The following FRY variants were observed in gnomAD, a reference collection of about 807,000 sequenced individuals.
FRY encodes the protein protein furry homolog.
In FRY, 128 loss-of-function variants were observed where a neutral mutation model predicts 348.4. The observed-to-expected ratio is 0.37, with a 90% CI of 0.32 to 0.43. The LOEUF is 0.43. Ranked by LOEUF, FRY falls within the 20% of genes least tolerant of loss-of-function variation. FRY has a pLI of 1.00. For missense variants in FRY, 2,736 were observed against 3,695.2 expected (o/e 0.74, Z 6.73); for synonymous variants, 1,370 against 1,374.7 (o/e 1.00, Z 0.08).
At chr13:32,277,455 G>A (rs918450987) in intron 57 of FRY, among the ~76,000 whole-genome samples, 1 of 152,092 alleles carries the variant, frequency 6.6e-6, no homozygotes, top group Non-Finnish European at 1.5e-5. Context: ...AAATTATATC[G>A]TTTAATGCTC....
intron 16 of FRY, among the ~76,000 whole-genome samples, chr13:32,159,361 A>G (rs1881312654): frequency 6.6e-6 from 1 of 152,224 alleles, no homozygotes; most frequent in Non-Finnish European, 1.5e-5. Context: ...AAGCTGGGCC[A>G]CCACTTTCCC....
chr13:32,156,272 G>T (rs1881100320), intron 15 of FRY, among the ~76,000 whole-genome samples: 1 of 152,106 alleles, frequency 6.6e-6, no homozygotes, highest in Non-Finnish European at 1.5e-5. Context: ...TTTTTGCTTT[G>T]AAATATTTCT....
intron 14 of FRY, among the ~76,000 whole-genome samples, chr13:32,153,664 A>G (rs1880934816): frequency 6.6e-6 from 1 of 152,172 alleles, no homozygotes; most frequent in African/African-American, 2.4e-5. Context: ...AAAAGGAGAG[A>G]CATTTAGTAC....
At chr13:32,090,272 CG>C in intron 2 of FRY, among the ~76,000 whole-genome samples, 1 of 142,424 alleles carries the variant, frequency 7.0e-6, no homozygotes, top group South Asian at 2.2e-4. Flanking sequence ...GGCGTGAACC[CG>C]GAAGTCGGAG....
Position 32,265,571 on chromosome 13 carries a change from G to A in FRY, c.7901G>A (p.Gly2634Glu), listed in dbSNP as rs1160033223. The A allele has an allele frequency of 3.1e-6, 5 of 1,614,054 alleles. No individual in the cohort carries two copies. Among genetic ancestry groups the A allele is most frequent in the Non-Finnish European group, 4.2e-6 (5 of 1,180,026 alleles). Residue 2634 changes from glycine (G) to glutamate (E), a missense_variant, in exon 54 of 61, where the codon GGG (glycine) becomes GAG (glutamate). Physicochemically the swap from Gly to Glu is moderately conservative, Grantham distance 98. Transcript: ENST00000542859. ...AGCTTTAGCCTGGACATGACTGAGG[G>A]GGAAGAAAAAGGCAATCGGGCACTG... ...SDSFSLDMTEGEEKGNRALDQ... is the reference protein window; with the variant it reads ...SDSFSLDMTEEEEKGNRALDQ...
Position 32,239,936 on chromosome 13 carries a change from G to A in FRY, c.6687+55G>A. 6.7e-7 allele frequency: 1 copy of A among 1,490,456 alleles called. No individual in the cohort carries two copies. Among genetic ancestry groups the A allele is most frequent in the Non-Finnish European group, 9.3e-7 (1 of 1,080,220 alleles). 92.3% of individuals were successfully genotyped at this position (1,490,456 alleles called of 1,614,324 possible). A position where few individuals can be genotyped will look rare whatever the true frequency, so the allele number is the denominator to read the frequency against. Reference sequence around the variant, plus strand: ...AGGGTCTCATTATGTTGCCCAGGCTGATCTCAACTCTTGGGCTCAAGCAGT... The same window carrying A: ...AGGGTCTCATTATGTTGCCCAGGCTAATCTCAACTCTTGGGCTCAAGCAGT... On this transcript the variant is annotated intron_variant, in intron 46 of 60. Transcript: ENST00000542859. The surrounding 1 kb of genome is among the most constrained non-coding windows in gnomAD (Gnocchi z 4.3).
chr13:32,214,071 CAT>C (rs1346512067), intron 35 of FRY, among the ~76,000 whole-genome samples: 4 of 152,226 alleles, frequency 2.6e-5, no homozygotes, highest in Non-Finnish European at 5.9e-5. Flanking sequence ...TATGTGCAAA[CAT>C]ATGTCTATGA....
chr13:32,114,299 G>A (rs1343598776), intron 3 of FRY, among the ~76,000 whole-genome samples: 1 of 152,294 alleles, frequency 6.6e-6, no homozygotes, highest in East Asian at 1.9e-4. Flanking sequence ...ATCTTACACT[G>A]CCATGGTACT....
intron 1 of FRY, among the ~76,000 whole-genome samples, chr13:32,069,994 T>G (rs1874528845): frequency 6.6e-6 from 1 of 152,024 alleles, no homozygotes; most frequent in African/African-American, 2.4e-5. Flanking sequence ...ATAGTTTGCT[T>G]AGAATGATGG....
intron 44 of FRY, among the ~76,000 whole-genome samples, chr13:32,238,671 C>T (rs765930639): frequency 8.6e-5 from 13 of 152,036 alleles, no homozygotes; most frequent in Non-Finnish European, 1.9e-4. Flanking sequence ...AGGATGGTCT[C>T]GATATCTTGA....
Position 32,239,218 on chromosome 13 carries a change from T to G in FRY, c.6419-34T>G. ...CTGTTAACAGCTAAAATATACCATA[T>G]TCAGCTATCTCCATTGTATCTTCTC... is the stretch of plus-strand genomic sequence containing the variant. On this transcript the variant is annotated intron_variant, in intron 44 of 60. Transcript: ENST00000542859. The surrounding 1 kb of genome is among the most constrained non-coding windows in gnomAD (Gnocchi z 4.3). 2.4e-6 allele frequency: 3 copies of G among 1,253,598 alleles called. No individual in the cohort carries two copies. Among genetic ancestry groups the G allele is most frequent in the Non-Finnish European group, 1.2e-6 (1 of 851,752 alleles). The allele number at this position is 1,253,598 out of a possible 1,614,324, so 77.7% of individuals were successfully genotyped here. A position where few individuals can be genotyped will look rare whatever the true frequency, so the allele number is the denominator to read the frequency against.
At chr13:32,247,613 G>A in intron 48 of FRY, 111 bp downstream of exon 48, 1 of 896,438 alleles carries the variant, frequency 1.1e-6, no homozygotes, top group South Asian at 1.4e-5. Flanking sequence ...TATTTCAAAT[G>A]AAGATTTCTA....
chr13:32,225,464 G>C (rs1885534141), intron 38 of FRY, among the ~76,000 whole-genome samples: 1 of 152,158 alleles, frequency 6.6e-6, no homozygotes, highest in African/African-American at 2.4e-5. Context: ...GTAAGAAAGA[G>C]ACTAATAAAA....
chr13:32,275,776 T>C (rs1366677425), intron 56 of FRY, among the ~76,000 whole-genome samples: 2 of 152,218 alleles, frequency 1.3e-5, no homozygotes, highest in African/African-American at 2.4e-5. Flanking sequence ...GTTTAAGGGA[T>C]AATCAAAACA....
chr13:32,053,259 A>C (rs918616273), intron 1 of FRY, among the ~76,000 whole-genome samples: 3 of 152,342 alleles, frequency 2.0e-5, no homozygotes, highest in South Asian at 2.1e-4. Context: ...TAGACAGAAG[A>C]GTTATTTTAT....
At chr13:32,053,554 C>T (rs896985139) in intron 1 of FRY, among the ~76,000 whole-genome samples, 4 of 152,176 alleles carry the variant, frequency 2.6e-5, no homozygotes, top group African/African-American at 9.7e-5. Flanking sequence ...CAAGGTCCCA[C>T]GGCTTGTTAA....
rs369790019 is a variant in FRY, at chr13:32,249,603, C to T, written c.7086C>T (p.Val2362=). The T allele has an allele frequency of 1.4e-5, 23 of 1,614,078 alleles. No homozygotes were observed. Among genetic ancestry groups the T allele is most frequent in the Middle Eastern group, 1.6e-4 (1 of 6,084 alleles). ...ATGGGAAGCCCAGGGCCATGGCCGTCACCCGGAGCACATCTTCCACTTCCT... is the reference window on the plus strand; with the variant it reads ...ATGGGAAGCCCAGGGCCATGGCCGTTACCCGGAGCACATCTTCCACTTCCT... The part of the protein sequence containing the change: ...GRDGKPRAMA[V]TRSTSSTSSG... The change falls in exon 49 of 61, where the codon GTC becomes GTT. Residue 2362 remains valine (V), a synonymous_variant. Coordinates refer to ENST00000542859, the MANE Select transcript of FRY (RefSeq NM_023037.3).
intron 8 of FRY, among the ~76,000 whole-genome samples, chr13:32,134,014 A>G (rs990497639): frequency 1.3e-5 from 2 of 151,998 alleles, no homozygotes; most frequent in Admixed American, 6.6e-5. Flanking sequence ...TCTGGGCTCA[A>G]ACGATCTGCC....
chr13:32,274,901 C>A lies in FRY; in HGVS notation c.8196C>A (p.Asn2732Lys). The change falls in exon 56 of 61, where the codon AAC becomes AAA. Residue 2732 changes from asparagine (N) to lysine (K), a missense_variant. Physicochemically the swap from Asn to Lys is moderately conservative, Grantham distance 94. Coordinates refer to ENST00000542859, the MANE Select transcript of FRY (RefSeq NM_023037.3). ...ATGCAGCCAGTTACCTTGGAGATAA[C>A]CTCCGGGGAATCGGATCCAAATTTG... ...TCDAASYLGD[N>K]LRGIGSKFVS... 6.2e-7 allele frequency: 1 copy of A among 1,612,738 alleles called. No homozygotes were observed. The highest frequency in any genetic ancestry group is 8.5e-7 in the Non-Finnish European group (1 of 1,178,836).
Sources: gnomAD v4.1 joint callset for allele counts (sites outside exome capture counted in the v4.1 genomes callset) on GRCh38, gnomAD v4.1.1 for gene constraint, Gnocchi (gnomAD v3.1) non-coding constraint, MANE v1.5 for transcripts, NCBI Gene and HGNC (gene_info 2026-07-23, HGNC 2026-07-21) for gene names.